DHRS7B: variants seen among roughly 807,000 people sequenced by gnomAD.
DHRS7B encodes the protein peroxisomal reductase activating PPAR-gamma.
DHRS7B carries 24 observed loss-of-function variants against 26.4 expected under a neutral mutation model. The ratio of observed to expected loss-of-function variants is 0.91; its 90% CI spans 0.66 to 1.28. The LOEUF (loss-of-function observed/expected upper bound fraction) is 1.28. Ranked by LOEUF, DHRS7B falls within the 50% of genes most tolerant of loss-of-function variation. The pLI, the probability that DHRS7B is intolerant of heterozygous loss-of-function variation, is 0.00. For missense variants in DHRS7B, 368 were observed against 419.4 expected (o/e 0.88, Z 1.07); for synonymous variants, 142 against 166.4 (o/e 0.85, Z 1.13).
At chr17:21,138,075 A>AAAATAT (rs1238830544) in intron 1 of DHRS7B, among the ~76,000 whole-genome samples, 8 of 33,232 alleles carry the variant, frequency 2.4e-4, no homozygotes, top group East Asian at 1.1e-3. Context: ...TTAAAAAAAA[A>AAAATAT]ATATATATAT....
At chr17:21,159,409 G>A (rs1342257260) in intron 1 of DHRS7B, among the ~76,000 whole-genome samples, 2 of 63,924 alleles carry the variant, frequency 3.1e-5, no homozygotes, top group Non-Finnish European at 6.7e-5. Context: ...CACCACGCCC[G>A]GCTAATTTTT....
intron 1 of DHRS7B, chr17:21,128,873 TAAA>T (rs58855834): frequency 2.7e-5 from 3 of 112,828 alleles, no homozygotes; most frequent in African/African-American, 3.4e-5. Context: ...GACTCCGTCT[TAAA>T]AAAAAAAAAA....
chr17:21,146,292 T>G (rs1266666381), intron 1 of DHRS7B, among the ~76,000 whole-genome samples: 2 of 152,124 alleles, frequency 1.3e-5, no homozygotes, highest in African/African-American at 4.8e-5. Context: ...TCCCAGCTAC[T>G]TGGGAGGTTG....
chr17:21,170,472 G>A lies in DHRS7B; in HGVS notation c.21-1546G>A, dbSNP rs59806761. On this transcript the variant is annotated intron_variant, in intron 1 of 6. Coordinates refer to ENST00000395511, the MANE Select transcript of DHRS7B (RefSeq NM_015510.5). The stretch of plus-strand genomic sequence containing the variant: ...CTTAATCCCCAGTTCATACAATGGA[G>A]GCTTGGCATAGTGTAGGGCAAGAGG... Among the ~76,000 whole-genome samples the A allele has an allele frequency of 4.8e-3, 733 of 152,340 alleles. 4 individuals carry two copies. Among genetic ancestry groups the A allele is most frequent in the African/African-American group, 0.016 (670 of 41,574 alleles).
intron 1 of DHRS7B, among the ~76,000 whole-genome samples, chr17:21,129,186 T>C (rs1344189397): frequency 6.6e-6 from 1 of 152,178 alleles, no homozygotes; most frequent in Non-Finnish European, 1.5e-5. Flanking sequence ...ACGATTGTGA[T>C]GCATGCTGTG....
intron 1 of DHRS7B, among the ~76,000 whole-genome samples, chr17:21,156,613 A>T (rs1183004532): frequency 6.8e-6 from 1 of 147,808 alleles, no homozygotes; most frequent in Non-Finnish European, 1.5e-5. Context: ...TCAAAAAATA[A>T]TTATAATAAA....
intron 2 of DHRS7B, 79 bp from the exon 3 acceptor site, chr17:21,178,154 C>A: frequency 7.2e-7 from 1 of 1,393,558 alleles, no homozygotes; most frequent in Non-Finnish European, 1.0e-6. Context: ...TGTGAAGCAG[C>A]AAACAGCAAC....
Position 21,184,429 on chromosome 17 carries a change from C to T in DHRS7B, c.585C>T (p.Ile195=). 6.2e-7 allele frequency: 1 copy of T among 1,614,210 alleles called. No individual in the cohort carries two copies. Among genetic ancestry groups the T allele is most frequent in the Middle Eastern group, 1.6e-4 (1 of 6,062 alleles). The change falls in exon 5 of 7, where the codon ATC becomes ATT. Residue 195 remains isoleucine (I), a synonymous_variant. Transcript: ENST00000395511. ...GCCACATTGTCGCCATCAGCAGCATCCAGGGCAAGATGAGCATTCCTTTTC... is the reference window on the plus strand; with the variant it reads ...GCCACATTGTCGCCATCAGCAGCATTCAGGGCAAGATGAGCATTCCTTTTC... ...RQGHIVAISS[I]QGKMSIPFRS...
At position 21,126,989 on chromosome 17, in the gene DHRS7B, C is replaced by G; in HGVS notation, c.18C>G (p.Thr6=). 1 of 1,529,706 alleles carries G rather than the reference C, an allele frequency of 6.5e-7. No homozygotes were observed. The allele number at this position is 1,529,706 out of a possible 1,614,324, so 94.8% of individuals were successfully genotyped here. MVSPA[T]RKSLPKVKAM... ...GATTGACTATGGTCTCTCCGGCTAC[C>G]AGGTAGGGGCTGGGGAAGAAGGAAC... The change falls in exon 1 of 7, where the codon ACC becomes ACG. Residue 6 remains threonine (T), a splice_region_variant and synonymous_variant. Transcript: ENST00000395511.
chr17:21,148,867 A>AAG (rs1281719939), intron 1 of DHRS7B, among the ~76,000 whole-genome samples: 1 of 152,220 alleles, frequency 6.6e-6, no homozygotes, highest in Non-Finnish European at 1.5e-5. Context: ...ACTGGTGTTC[A>AAG]AGAGAGAGTT....
At chr17:21,169,513 C>T (rs1490899538) in intron 1 of DHRS7B, among the ~76,000 whole-genome samples, 2 of 152,114 alleles carry the variant, frequency 1.3e-5, no homozygotes, top group Non-Finnish European at 2.9e-5. Context: ...AGTGAGGCCC[C>T]TTTGCCAGGC....
rs113208597 is a variant in DHRS7B at position 21,143,343 on chromosome 17, T to C, written c.20+16352T>C. ...TCCCAAAATGCTGGGATTACAGGCG[T>C]GAGCCACTGTGTCTATCCAAAATTA... is the stretch of plus-strand genomic sequence containing the variant. On this transcript the variant is annotated intron_variant, in intron 1 of 6. Transcript: ENST00000395511. Among the ~76,000 whole-genome samples the C allele has an allele frequency of 6.1e-3, 929 of 152,336 alleles. 11 individuals are homozygous for C. The highest frequency in any genetic ancestry group is 0.021 in the African/African-American group (890 of 41,576).
rs1269869557 is a variant in DHRS7B at position 21,160,171 on chromosome 17, T to C, written c.21-11847T>C. 2.0e-5 allele frequency among the ~76,000 whole-genome samples: 3 copies of C among 152,000 alleles called. No individual in the cohort carries two copies. In the East Asian group the frequency reaches 5.8e-4, roughly 29 times the overall value. On this transcript the variant is annotated intron_variant, in intron 1 of 6. Coordinates refer to ENST00000395511, the MANE Select transcript of DHRS7B (RefSeq NM_015510.5). ...GAGTTCGAGACCAGCTGGGCCAACA[T>C]GGTGAAACCCCGTCTCTACTAAAAA...
chr17:21,189,713 T>A (rs1370455441), intron 6 of DHRS7B, among the ~76,000 whole-genome samples: 1 of 152,258 alleles, frequency 6.6e-6, no homozygotes, highest in Non-Finnish European at 1.5e-5. Context: ...TGGGGCTTCA[T>A]ACAGCTTTAC....
chr17:21,141,108 G>T (rs1016401675), intron 1 of DHRS7B, among the ~76,000 whole-genome samples: 3 of 151,994 alleles, frequency 2.0e-5, no homozygotes, highest in African/African-American at 7.3e-5. Flanking sequence ...ATTCCTGGAC[G>T]AGCCATTTTA....
chr17:21,141,640 A>AAAAAAAAAAAAAAAAAAAAAAAAG, intron 1 of DHRS7B, among the ~76,000 whole-genome samples: 1 of 90,078 alleles, frequency 1.1e-5, no homozygotes, highest in Non-Finnish European at 2.1e-5. Flanking sequence ...AAAAAAAAAA[A>AAAAAAAAAAAAAAAAAAAAAAAAG]CAACCTCATC....
At chr17:21,154,491 A>C (rs1465281079) in intron 1 of DHRS7B, among the ~76,000 whole-genome samples, 1 of 152,186 alleles carries the variant, frequency 6.6e-6, no homozygotes, top group Non-Finnish European at 1.5e-5. Flanking sequence ...AAAATAAATA[A>C]ATGAAATTGG....
intron 1 of DHRS7B, among the ~76,000 whole-genome samples, chr17:21,150,116 A>ACAAAAC (rs753117684): frequency 6.8e-6 from 1 of 147,430 alleles, no homozygotes; most frequent in Non-Finnish European, 1.5e-5. Flanking sequence ...AAAAAAAAAA[A>ACAAAAC]AAAAAAAAAA....
chr17:21,130,935 C>T (rs1403774277), intron 1 of DHRS7B, among the ~76,000 whole-genome samples: 7 of 152,114 alleles, frequency 4.6e-5, no homozygotes, highest in Admixed American at 3.9e-4. Context: ...AAGCTTCTTG[C>T]CACCCACCCA....
Sources: allele counts gnomAD v4.1 joint callset (sites outside exome capture counted in the v4.1 genomes callset), GRCh38; gene constraint gnomAD v4.1.1; transcripts MANE v1.5; gene names NCBI Gene and HGNC (gene_info 2026-07-23, HGNC 2026-07-21).